Variants in RAD54B observed in about 807,000 individuals in gnomAD.
RAD54B encodes the protein DNA repair and recombination protein RAD54B.
Under a neutral mutation model 95.8 loss-of-function variants are expected in RAD54B, and 78 were observed. The ratio of observed to expected loss-of-function variants is 0.81; its 90% CI spans 0.68 to 0.98. The LOEUF is 0.98. Among genes scored for constraint, RAD54B ranks in the 50% least tolerant of loss-of-function variants. The pLI is 0.00. For missense variants in RAD54B, 957 were observed against 1,056.6 expected, an observed-to-expected ratio of 0.91 and a Z score of 1.31; for synonymous variants, 328 against 354.9, an observed-to-expected ratio of 0.92 and a Z score of 0.85.
intron 12 of RAD54B, among the ~76,000 whole-genome samples, chr8:94,379,068 C>G (rs1470694275): frequency 1.3e-5 from 2 of 152,170 alleles, no homozygotes; most frequent in Non-Finnish European, 2.9e-5. Context: ...ATCAATGATA[C>G]TGTGCATTAA....
intron 2 of RAD54B, 52 bp from the exon 3 acceptor site, chr8:94,458,488 A>G: frequency 7.6e-7 from 1 of 1,320,966 alleles, no homozygotes; most frequent in East Asian, 2.5e-5. Context: ...AATTTTCTGT[A>G]TTTTCTGTAT....
At chr8:94,460,728 T>C (rs932666902) in intron 2 of RAD54B, among the ~76,000 whole-genome samples, 4 of 152,194 alleles carry the variant, frequency 2.6e-5, no homozygotes, top group African/African-American at 9.6e-5. Context: ...CTGAGTTCCT[T>C]TCTGGATGCT....
At chr8:94,465,499 T>C (rs1813002541) in intron 2 of RAD54B, among the ~76,000 whole-genome samples, 1 of 152,194 alleles carries the variant, frequency 6.6e-6, no homozygotes, top group Non-Finnish European at 1.5e-5. Context: ...AAAAAATTTT[T>C]TAAATGGAAA....
chr8:94,388,141 C>T (rs1810934795), intron 10 of RAD54B, among the ~76,000 whole-genome samples: 1 of 152,084 alleles, frequency 6.6e-6, no homozygotes, highest in Admixed American at 6.6e-5. Flanking sequence ...ATGCAGTTGA[C>T]CCTTGAACAC....
Position 94,377,545 on chromosome 8 carries a change from G to GA in RAD54B, c.2515+634dup, listed in dbSNP as rs71273330. Among the ~76,000 whole-genome samples, 7 of 70,584 alleles carry GA rather than the reference G, an allele frequency of 9.9e-5. 1 individual carries two copies. The highest frequency in any genetic ancestry group is 2.2e-4 in the African/African-American group (3 of 13,902). The allele number at this position is 70,584 out of a possible 152,430, so 46.3% of individuals were successfully genotyped here. ...AGCAACAGAGCCAGACCCTGTCTTG[G>GA]AAAAAAAAAAAAAAAAAAAAAAAAA... On this transcript the variant is annotated intron_variant, in intron 14 of 14. Transcript: ENST00000336148.
intron 5 of RAD54B, among the ~76,000 whole-genome samples, 190 bp from the exon 6 acceptor site, chr8:94,404,429 G>C (rs1201631976): frequency 1.3e-5 from 2 of 152,152 alleles, no homozygotes; most frequent in South Asian, 4.1e-4. Flanking sequence ...ACTGATGAAC[G>C]ATTTCATGCA....
intron 3 of RAD54B, among the ~76,000 whole-genome samples, chr8:94,447,766 G>A (rs952758179): frequency 2.0e-5 from 3 of 152,186 alleles, no homozygotes; most frequent in African/African-American, 7.2e-5. Context: ...GAGAAAAAGC[G>A]TGTGGCCACA....
intron 2 of RAD54B, among the ~76,000 whole-genome samples, chr8:94,467,193 G>T (rs1411977374): frequency 6.6e-6 from 1 of 152,176 alleles, no homozygotes; most frequent in African/African-American, 2.4e-5. Context: ...CTCCCAAGGT[G>T]CTGGGATTAT....
chr8:94,408,253 G>A (rs953138957), intron 4 of RAD54B, among the ~76,000 whole-genome samples: 2 of 152,094 alleles, frequency 1.3e-5, no homozygotes, highest in Non-Finnish European at 2.9e-5. Flanking sequence ...GGAATATTTT[G>A]TAATATTAAG....
chr8:94,440,573 A>C (rs1178806636), intron 3 of RAD54B, among the ~76,000 whole-genome samples: 4 of 152,184 alleles, frequency 2.6e-5, no homozygotes, highest in Non-Finnish European at 5.9e-5. Context: ...TGGTGTAGTC[A>C]TAGAGTTTTA....
intron 3 of RAD54B, chr8:94,431,991 GA>G: frequency 7.7e-7 from 1 of 1,294,718 alleles, no homozygotes; most frequent in Non-Finnish European, 9.8e-7. Context: ...AAAATAATTA[GA>G]AAATTATATC....
chr8:94,416,446 G>C (rs1811669126), intron 3 of RAD54B, among the ~76,000 whole-genome samples: 1 of 151,450 alleles, frequency 6.6e-6, no homozygotes, highest in Non-Finnish European at 1.5e-5. Flanking sequence ...CAGCACACCA[G>C]CATGGCACAT....
rs905994628 is a variant in RAD54B at position 94,440,903 on chromosome 8, A to G, written c.304+17365T>C. On this transcript the variant is annotated intron_variant, in intron 3 of 14. Transcript: ENST00000336148. ...ATACTCAGTACCTGTTTTAAGAAAA[A>G]AACAAGGAAGTGAAATCAAAGACAG... 2.0e-5 allele frequency among the ~76,000 whole-genome samples: 3 copies of G among 152,316 alleles called. No individual in the cohort carries two copies. In the East Asian group the frequency reaches 5.8e-4, roughly 29 times the overall value.
At chr8:94,474,476 G>A (rs534837292) in intron 1 of RAD54B, among the ~76,000 whole-genome samples, 2 of 152,316 alleles carry the variant, frequency 1.3e-5, no homozygotes, top group Admixed American at 1.3e-4. Flanking sequence ...CAACCCCGTA[G>A]TAAGTCGAGA....
At chr8:94,432,532 C>T in intron 3 of RAD54B, 3 of 1,550,604 alleles carry the variant, frequency 1.9e-6, no homozygotes, top group Non-Finnish European at 2.6e-6. Flanking sequence ...GAATTTAAAA[C>T]CAGTGGAGGA....
At chr8:94,462,737 T>C (rs1417243038) in intron 2 of RAD54B, among the ~76,000 whole-genome samples, 1 of 152,214 alleles carries the variant, frequency 6.6e-6, no homozygotes, top group African/African-American at 2.4e-5. Flanking sequence ...TCATGTTACC[T>C]TGCTTAAAAT....
At chr8:94,381,957 CA>C (rs1182119153) in intron 11 of RAD54B, among the ~76,000 whole-genome samples, 5 of 151,836 alleles carry the variant, frequency 3.3e-5, no homozygotes, top group African/African-American at 4.8e-5. Flanking sequence ...ACTAAAAATA[CA>C]AAAAAATTAG....
intron 3 of RAD54B, among the ~76,000 whole-genome samples, chr8:94,424,753 G>A (rs1273597624): frequency 1.3e-5 from 2 of 152,094 alleles, no homozygotes; most frequent in Admixed American, 6.6e-5. Context: ...CAAGAGACTT[G>A]AAGGTCTATC....
At position 94,378,253 on chromosome 8, in the gene RAD54B, T is replaced by C. The variant is rs1449961787; in HGVS notation, c.2442A>G (p.Thr814=). Residue 814 remains threonine (T), a synonymous_variant, in exon 14 of 15, where the codon ACA becomes ACG. Coordinates refer to ENST00000336148, the MANE Select transcript of RAD54B (RefSeq NM_012415.3). ...TAACACAATCTGAACTTTCATGTAA[T>C]GTGAACAAATTTTTAAGTTCTTCTA... ...FSVEELKNLF[T]LHESSDCVTH... 13 of 1,613,376 alleles carry C rather than the reference T, an allele frequency of 8.1e-6. No individual in the cohort carries two copies. The highest frequency in any genetic ancestry group is 1.7e-5 in the Admixed American group (1 of 59,994).
Sources: gnomAD v4.1 joint callset for allele counts (sites outside exome capture counted in the v4.1 genomes callset) on GRCh38, gnomAD v4.1.1 for gene constraint, MANE v1.5 for transcripts, NCBI Gene and HGNC (gene_info 2026-07-23, HGNC 2026-07-21) for gene names.